ASS1: variants seen among roughly 807,000 people sequenced by gnomAD.
ASS1 encodes the protein argininosuccinate synthase 1, also known as argininosuccinate synthase.
Under a neutral mutation model 60.5 loss-of-function variants are expected in ASS1, and 58 were observed. The ratio of observed to expected loss-of-function variants is 0.96; its 90% CI spans 0.78 to 1.19. The LOEUF is 1.19. Among genes scored for constraint, ASS1 ranks in the 50% most tolerant of loss-of-function variants. The probability of loss-of-function intolerance (pLI) is 0.00; values close to 1 mark genes in which losing one functional copy is unlikely to be tolerated. For synonymous variants in ASS1, 200 were observed against 206.9 expected (o/e 0.97, Z 0.29); for missense variants, 454 against 547.3 (o/e 0.83, Z 1.70).
chr9:130,496,593 TA>T (rs56807719), intron 13 of ASS1, among the ~76,000 whole-genome samples: 6,487 of 105,932 alleles, frequency 0.061, 297 homozygotes, highest in African/African-American at 0.15. Flanking sequence ...ACTGTCTCTT[TA>T]AAAAAAAAAA....
chr9:130,499,624 G>A (rs909574389), intron 14 of ASS1, 54 bp downstream of exon 14: 2 of 1,543,152 alleles, frequency 1.3e-6, no homozygotes, highest in African/African-American at 2.7e-5. Flanking sequence ...GTAAAGGGTA[G>A]GCTTTGAGAG....
intron 11 of ASS1, among the ~76,000 whole-genome samples, chr9:130,487,296 G>A (rs1846324253): frequency 6.6e-6 from 1 of 152,120 alleles, no homozygotes; most frequent in African/African-American, 2.4e-5. Context: ...AAGACTGGAG[G>A]AGTTCTCCAA....
chr9:130,474,532 AGGCTTGGGGGAGTCCCAGG>A (rs1845967209), intron 8 of ASS1, among the ~76,000 whole-genome samples: 1 of 152,104 alleles, frequency 6.6e-6, no homozygotes, highest in Admixed American at 6.5e-5. Context: ...CCCTGGTTGG[AGGCTTGGGGGAGTCCCAGG>A]CAGCTGGAGA....
At chr9:130,466,902 G>A in intron 6 of ASS1, 103 bp downstream of exon 6, 1 of 1,328,106 alleles carries the variant, frequency 7.5e-7, no homozygotes. Context: ...GGCCGGGACT[G>A]ACCCCATGTG....
intron 4 of ASS1, among the ~76,000 whole-genome samples, chr9:130,460,208 A>G (rs983714833): frequency 6.6e-6 from 1 of 152,176 alleles, no homozygotes; most frequent in Non-Finnish European, 1.5e-5. Flanking sequence ...GGACACACAC[A>G]GCTAAGATGA....
At chr9:130,467,902 G>A (rs2131883737) in intron 6 of ASS1, among the ~76,000 whole-genome samples, 2 of 152,304 alleles carry the variant, frequency 1.3e-5, no homozygotes, top group East Asian at 3.9e-4. Flanking sequence ...CCAGACAAAA[G>A]CAGCTTCTGG....
intron 1 of ASS1, among the ~76,000 whole-genome samples, chr9:130,450,919 A>G (rs1428236497): frequency 6.6e-6 from 1 of 152,194 alleles, no homozygotes; most frequent in East Asian, 1.9e-4. Flanking sequence ...CAGAACAAAC[A>G]TGCCCTGTAC....
At chr9:130,480,034 G>A (rs1846128979) in intron 10 of ASS1, 1 of 699,652 alleles carries the variant, frequency 1.4e-6, no homozygotes, top group Admixed American at 2.1e-5. Flanking sequence ...GCCTCCAAGG[G>A]ATCATTAGGC....
intron 1 of ASS1, chr9:130,451,618 C>A (rs538689317): frequency 5.7e-6 from 2 of 351,992 alleles, no homozygotes; most frequent in East Asian, 7.5e-5. Flanking sequence ...GGCGGCACTG[C>A]GTGCTGGGGA....
intron 11 of ASS1, among the ~76,000 whole-genome samples, chr9:130,485,626 C>T (rs541908004): frequency 1.3e-5 from 2 of 152,240 alleles, no homozygotes; most frequent in South Asian, 2.1e-4. Context: ...GGCGCCATTA[C>T]GACTCTGTGG....
chr9:130,485,172 C>T (rs916722762), intron 11 of ASS1, among the ~76,000 whole-genome samples: 2 of 152,232 alleles, frequency 1.3e-5, no homozygotes, highest in African/African-American at 4.8e-5. Flanking sequence ...TGAACCCCAC[C>T]TGCGCCCTCC....
chr9:130,456,418 A>G (rs1015332900), intron 3 of ASS1, among the ~76,000 whole-genome samples: 1 of 152,080 alleles, frequency 6.6e-6, no homozygotes, highest in Admixed American at 6.5e-5. Flanking sequence ...GTAAGCTGAA[A>G]TCACACCATT....
chr9:130,455,690 T>A (rs956106384), intron 3 of ASS1, among the ~76,000 whole-genome samples: 3 of 152,210 alleles, frequency 2.0e-5, no homozygotes, highest in Non-Finnish European at 1.5e-5. Flanking sequence ...ATGTGCTCAC[T>A]CCCCATGGAG....
chr9:130,465,314 C>T (rs909000150), intron 5 of ASS1, among the ~76,000 whole-genome samples: 44 of 152,012 alleles, frequency 2.9e-4, no homozygotes, highest in Middle Eastern at 3.4e-3. Context: ...CCACTGCACC[C>T]GGCTGTAGTA....
At chr9:130,471,018 G>A (rs2131886662) in intron 7 of ASS1, 114 bp downstream of exon 7, 2 of 1,230,974 alleles carry the variant, frequency 1.6e-6, no homozygotes, top group East Asian at 4.7e-5. Flanking sequence ...TGCCCTCGGG[G>A]AGCTGAGAGG....
Position 130,491,255 on chromosome 9 carries a change from C to T in ASS1, c.970+1791C>T, listed in dbSNP as rs1039508327. Among the ~76,000 whole-genome samples, 1 of 152,096 alleles carries T rather than the reference C, an allele frequency of 6.6e-6. No homozygotes were observed. The highest frequency in any genetic ancestry group is 2.4e-5 in the African/African-American group (1 of 41,408). Reference sequence around the variant, plus strand: ...TTCCAGCCCGGCGGGATTGCGACCCCGAAAGGAGGATTTTAGTTACAAAGT... The same window carrying T: ...TTCCAGCCCGGCGGGATTGCGACCCTGAAAGGAGGATTTTAGTTACAAAGT... On this transcript the variant is annotated intron_variant, in intron 12 of 14. Coordinates refer to ENST00000352480, the MANE Select transcript of ASS1 (RefSeq NM_054012.4). This position sits in a 1 kb window ranked among gnomAD's most constrained non-coding sequence, Gnocchi z 5.3.
chr9:130,448,422 G>GCACACACACACACACACACACACACA (rs3085579), intron 1 of ASS1, among the ~76,000 whole-genome samples: 5 of 143,296 alleles, frequency 3.5e-5, no homozygotes, highest in African/African-American at 1.1e-4. Flanking sequence ...GTGTGCGCGC[G>GCACACACACACACACACACACACACA]CACACACACA....
Position 130,471,664 on chromosome 9 carries a change from A to ACC in ASS1, c.597+153_597+154dup, listed in dbSNP as rs917277258. ...GGCCGAGCCCTGCCTGTGTTCCCCG[A>ACC]CCCCCGCACTGGCCCCCCTCTGCCC... is the stretch of plus-strand genomic sequence containing the variant. On this transcript the variant is annotated intron_variant, in intron 8 of 14. Coordinates refer to ENST00000352480, the MANE Select transcript of ASS1 (RefSeq NM_054012.4). 5 of 885,368 alleles carry ACC rather than the reference A, an allele frequency of 5.6e-6. No homozygotes were observed. In the African/African-American group the frequency reaches 8.4e-5, roughly 15 times the overall value. 54.8% of individuals were successfully genotyped at this position (885,368 alleles called of 1,614,324 possible).
chr9:130,463,303 G>A lies in ASS1; in HGVS notation c.364-808G>A, dbSNP rs572510729. 9.8e-5 allele frequency among the ~76,000 whole-genome samples: 15 copies of A among 152,372 alleles called. 1 individual carries two copies. Among genetic ancestry groups the A allele is most frequent in the Middle Eastern group, 3.4e-3 (1 of 294 alleles). ...TCTCTGGGGACAGAGCTGGGCTGGC[G>A]GATGCCTGCGCTGACCCCGGCCTCC... On this transcript the variant is annotated intron_variant, in intron 4 of 14. Transcript: ENST00000352480.
Sources: allele counts gnomAD v4.1 joint callset (sites outside exome capture counted in the v4.1 genomes callset), GRCh38; gene constraint gnomAD v4.1.1; non-coding constraint Gnocchi (gnomAD v3.1); transcripts MANE v1.5; gene names NCBI Gene and HGNC (gene_info 2026-07-23, HGNC 2026-07-21).